Variants in PUM1 observed in about 807,000 individuals in gnomAD.
PUM1 encodes the protein pumilio RNA binding family member 1, also known as pumilio homolog 1.
Under a neutral mutation model 131.8 loss-of-function variants are expected in PUM1, and 13 were observed. The ratio of observed to expected loss-of-function variants is 0.10; its 90% CI spans 0.06 to 0.16. PUM1 has a LOEUF of 0.16. Among genes scored for constraint, PUM1 ranks in the 10% least tolerant of loss-of-function variants. PUM1 has a pLI of 1.00. For missense variants in PUM1, 961 were observed against 1,512.4 expected, an observed-to-expected ratio of 0.64 and a Z score of 6.05; for synonymous variants, 509 against 556.5, an observed-to-expected ratio of 0.91 and a Z score of 1.20.
intron 14 of PUM1, among the ~76,000 whole-genome samples, chr1:30,956,661 G>A (rs1443005612): frequency 6.6e-6 from 1 of 152,204 alleles, no homozygotes; most frequent in Non-Finnish European, 1.5e-5. Flanking sequence ...AGGTTGGCAG[G>A]TATGGGGAAA....
chr1:30,976,101 A>AT (rs1641127699), intron 9 of PUM1, among the ~76,000 whole-genome samples: 1 of 151,754 alleles, frequency 6.6e-6, no homozygotes, highest in Non-Finnish European at 1.5e-5. Flanking sequence ...AAAAAAAAAA[A>AT]AAAAATTAAG....
At chr1:31,004,101 G>A (rs796926360) in intron 5 of PUM1, among the ~76,000 whole-genome samples, 15 of 152,106 alleles carry the variant, frequency 9.9e-5, no homozygotes, top group African/African-American at 3.6e-4. Flanking sequence ...CCTCTGTCAC[G>A]ATTCTTTTGT....
Position 30,947,998 on chromosome 1 carries a change from G to A in PUM1, c.2856+2129C>T, listed in dbSNP as rs150195514. ...AGCACCCCAAGCAGCTGAGACTATA[G>A]GAGTGCACCACCATGCCCAGCCAAC... is the stretch of plus-strand genomic sequence containing the variant. On this transcript the variant is annotated intron_variant, in intron 17 of 21. Coordinates refer to ENST00000426105, the MANE Select transcript of PUM1 (RefSeq NM_001020658.2). Among the ~76,000 whole-genome samples the A allele has an allele frequency of 4.0e-3, 611 of 151,680 alleles. 2 individuals are homozygous for A. Among genetic ancestry groups the A allele is most frequent in the African/African-American group, 0.014 (578 of 41,334 alleles).
At chr1:30,980,295 T>C in intron 8 of PUM1, 132 bp from the exon 9 acceptor site, 1 of 724,666 alleles carries the variant, frequency 1.4e-6, no homozygotes, top group Non-Finnish European at 2.4e-6. Context: ...ACGGGACAGG[T>C]TGAGGGTAAA....
chr1:30,974,954 A>T, intron 9 of PUM1, 152 bp from the exon 10 acceptor site: 1 of 558,502 alleles, frequency 1.8e-6, no homozygotes, highest in Non-Finnish European at 3.0e-6. Flanking sequence ...AACTCTTTTT[A>T]AAGAATAGTA....
Position 30,967,289 on chromosome 1 carries a change from G to A in PUM1, c.1667C>T (p.Ala556Val). 6.2e-7 allele frequency: 1 copy of A among 1,613,816 alleles called. No homozygotes were observed. Among genetic ancestry groups the A allele is most frequent in the Non-Finnish European group, 8.5e-7 (1 of 1,179,788 alleles). Residue 556 changes from alanine (A) to valine (V), a missense_variant, in exon 12 of 22, where the codon GCT becomes GTT. This residue lies in a region of PUM1 where 654 missense variants were observed against 923.9 expected (regional missense o/e 0.71). Transcript: ENST00000426105. ...GMPGYPVLAP[A>V]AYYDQTGALV... The stretch of plus-strand genomic sequence containing the variant: ...GGCACCAGTTTGGTCATAGTAAGCA[G>A]CAGGAGCCAACACCGGATAACCTAG...
At chr1:30,980,874 C>T (rs983586261) in intron 8 of PUM1, among the ~76,000 whole-genome samples, 4 of 152,144 alleles carry the variant, frequency 2.6e-5, no homozygotes, top group African/African-American at 4.8e-5. Context: ...ACTTTAAAAT[C>T]GGTAATTATA....
chr1:31,019,966 T>C (rs892422148), intron 3 of PUM1, among the ~76,000 whole-genome samples: 2 of 152,138 alleles, frequency 1.3e-5, no homozygotes, highest in African/African-American at 2.4e-5. Context: ...GGCTATAATA[T>C]ATTGTGTGAT....
intron 14 of PUM1, among the ~76,000 whole-genome samples, chr1:30,956,302 C>T (rs1640164632): frequency 6.6e-6 from 1 of 151,662 alleles, no homozygotes; most frequent in Non-Finnish European, 1.5e-5. Flanking sequence ...CTTGCTCTGT[C>T]ACCTAGGCTG....
At chr1:31,051,546 G>A (rs555143970) in intron 2 of PUM1, among the ~76,000 whole-genome samples, 2 of 152,008 alleles carry the variant, frequency 1.3e-5, no homozygotes, top group South Asian at 2.1e-4. Flanking sequence ...CAGGTGATCC[G>A]CCTGCCTTGG....
intron 5 of PUM1, among the ~76,000 whole-genome samples, chr1:30,997,450 A>G (rs1209666831): frequency 1.3e-5 from 2 of 151,418 alleles, no homozygotes; most frequent in Non-Finnish European, 2.9e-5. Context: ...GTGAGCCAAG[A>G]TCACACCATT....
intron 1 of PUM1, among the ~76,000 whole-genome samples, chr1:31,061,502 G>A (rs1644366713): frequency 6.6e-6 from 1 of 151,978 alleles, no homozygotes; most frequent in Non-Finnish European, 1.5e-5. Flanking sequence ...TGTAATCCCA[G>A]CTACTTGGGA....
intron 3 of PUM1, among the ~76,000 whole-genome samples, chr1:31,025,259 A>C (rs984848669): frequency 6.6e-6 from 1 of 152,204 alleles, no homozygotes; most frequent in African/African-American, 2.4e-5. Flanking sequence ...AGAGGCCAAC[A>C]GTGGCTTTGA....
chr1:30,941,266 A>G lies in PUM1; in HGVS notation c.3127T>C (p.Tyr1043His), dbSNP rs753592989. The stretch of plus-strand genomic sequence containing the variant: ...ACATGTTGGATTACATAATTTCCAT[A>G]TTGATCCTGTTTGAGAAACAGTAAG... ...QHTEQLVQDQ[Y>H]GNYVIQHVLE... Residue 1043 changes from tyrosine (Y) to histidine (H), a missense_variant, in exon 20 of 22, where the codon TAT becomes CAT. This residue lies in a region of PUM1 where 178 missense variants were observed against 327.5 expected (regional missense o/e 0.54). Transcript: ENST00000426105. 6.2e-7 allele frequency: 1 copy of G among 1,611,234 alleles called. No homozygotes were observed. The highest frequency in any genetic ancestry group is 1.1e-5 in the South Asian group (1 of 90,626).
chr1:30,973,325 CATTTAAT>C (rs367988667), intron 10 of PUM1, among the ~76,000 whole-genome samples: 113 of 150,684 alleles, frequency 7.5e-4, no homozygotes, highest in African/African-American at 2.7e-3. Context: ...TTGTTTGGAT[CATTTAAT>C]ATATTCATAT....
At position 30,964,710 on chromosome 1, in the gene PUM1, G is replaced by C; in HGVS notation, c.2287C>G (p.Leu763Val). 1.9e-6 allele frequency: 3 copies of C among 1,613,364 alleles called. No homozygotes were observed. Among genetic ancestry groups the C allele is most frequent in the Non-Finnish European group, 1.7e-6 (2 of 1,179,470 alleles). The change falls in exon 14 of 22, where the codon CTC becomes GTC. Residue 763 changes from leucine (L) to valine (V), a missense_variant. By Grantham distance (32) the Leu-to-Val change is conservative. Coordinates refer to ENST00000426105, the MANE Select transcript of PUM1 (RefSeq NM_001020658.2). Reference protein sequence around the residue: ...PGHSQTPPPSLSSHGSSSSLN... With the variant: ...PGHSQTPPPSVSSHGSSSSLN... ...CTTGAAGAGGATCCATGTGAAGAGA[G>C]GGAAGGAGGTGGTGTCTGTGAATGT... is the stretch of plus-strand genomic sequence containing the variant.
At chr1:30,999,079 C>A (rs781044166) in intron 5 of PUM1, among the ~76,000 whole-genome samples, 1 of 152,184 alleles carries the variant, frequency 6.6e-6, no homozygotes, top group Non-Finnish European at 1.5e-5. Flanking sequence ...TGACTCACTG[C>A]AGCCTTGACC....
rs935893326 is a variant in PUM1 at position 30,945,461 on chromosome 1, T to A, written c.2879A>T (p.Asp960Val). The A allele has an allele frequency of 6.2e-7, 1 of 1,614,186 alleles. No individual in the cohort carries two copies. The highest frequency in any genetic ancestry group is 8.5e-7 in the Non-Finnish European group (1 of 1,180,028). Residue 960 changes from aspartate (D) to valine (V), a missense_variant, in exon 18 of 22, where the codon GAT becomes GTT. Physicochemically the swap from Asp to Val is radical, Grantham distance 152. Coordinates refer to ENST00000426105, the MANE Select transcript of PUM1 (RefSeq NM_001020658.2). ...TTTCACACACTTCAAGACATGGCCA[T>A]CTAGTTCCCGAACCATCTCATTCTA... ...QVINEMVREL[D>V]GHVLKCVKDQ...
chr1:30,970,944 A>G (rs1237569170), intron 10 of PUM1, among the ~76,000 whole-genome samples: 1 of 152,176 alleles, frequency 6.6e-6, no homozygotes, highest in Admixed American at 6.5e-5. Context: ...AAGACTATTG[A>G]TGAGTCTTGT....
Sources: allele counts gnomAD v4.1 joint callset (sites outside exome capture counted in the v4.1 genomes callset), GRCh38; gene constraint gnomAD v4.1.1; regional missense constraint gnomAD v4.1.1; transcripts MANE v1.5; gene names NCBI Gene and HGNC (gene_info 2026-07-23, HGNC 2026-07-21).